The following MAGI1 variants were observed in gnomAD, a reference collection of about 807,000 sequenced individuals.
The protein encoded by MAGI1 is membrane-associated guanylate kinase, WW and PDZ domain-containing protein 1.
MAGI1 carries 58 observed loss-of-function variants against 139.9 expected under a neutral mutation model. The observed-to-expected ratio is 0.41, with a 90% CI of 0.34 to 0.52. The LOEUF is 0.52. Ranked by LOEUF, MAGI1 falls within the 20% of genes least tolerant of loss-of-function variation. The pLI is 0.12. For missense variants in MAGI1, 1,874 were observed against 1,901.6 expected, an observed-to-expected ratio of 0.99 and a Z score of 0.27; for synonymous variants, 812 against 737.9, an observed-to-expected ratio of 1.10 and a Z score of -1.63.
At chr3:66,014,063 C>T (rs960708781) in intron 1 of MAGI1, among the ~76,000 whole-genome samples, 3 of 152,162 alleles carry the variant, frequency 2.0e-5, no homozygotes, top group African/African-American at 4.8e-5. Context: ...ACTACACCAA[C>T]GAGTCACCTA....
At chr3:65,710,368 C>T (rs2107647103) in intron 1 of MAGI1, among the ~76,000 whole-genome samples, 1 of 150,540 alleles carries the variant, frequency 6.6e-6, no homozygotes, top group South Asian at 2.1e-4. Flanking sequence ...ACAACCTCCG[C>T]CTCCCAGGTT....
chr3:65,857,591 T>C (rs2059413814), intron 1 of MAGI1, among the ~76,000 whole-genome samples: 1 of 152,202 alleles, frequency 6.6e-6, no homozygotes, highest in African/African-American at 2.4e-5. Context: ...ATATTTGCCA[T>C]ACCATATCGT....
intron 1 of MAGI1, among the ~76,000 whole-genome samples, chr3:66,021,197 C>T (rs994599563): frequency 2.0e-5 from 3 of 152,138 alleles, no homozygotes; most frequent in Non-Finnish European, 4.4e-5. Flanking sequence ...AGTTCCTCAG[C>T]CACATTACAG....
chr3:65,805,444 G>A (rs1309122410), intron 1 of MAGI1, among the ~76,000 whole-genome samples: 3 of 152,166 alleles, frequency 2.0e-5, no homozygotes, highest in African/African-American at 7.2e-5. Context: ...AACAAGAGAC[G>A]CTGGCGAGGC....
intron 2 of MAGI1, among the ~76,000 whole-genome samples, chr3:65,533,980 T>C (rs962681563): frequency 6.6e-6 from 1 of 152,238 alleles, no homozygotes; most frequent in Non-Finnish European, 1.5e-5. Context: ...GTGGATTCTC[T>C]GGCCATACTC....
intron 1 of MAGI1, among the ~76,000 whole-genome samples, chr3:65,706,684 G>A (rs1446401868): frequency 6.6e-6 from 1 of 152,082 alleles, no homozygotes; most frequent in African/African-American, 2.4e-5. Context: ...AGGGGAAATG[G>A]AAATGCAAAG....
At chr3:65,530,868 T>TAG (rs2078682890) in intron 2 of MAGI1, among the ~76,000 whole-genome samples, 1 of 140,814 alleles carries the variant, frequency 7.1e-6, no homozygotes, top group African/African-American at 2.7e-5. Flanking sequence ...TATATATATA[T>TAG]GGAGAGAGAG....
chr3:65,660,485 T>C (rs770202983), intron 1 of MAGI1, among the ~76,000 whole-genome samples: 8 of 152,232 alleles, frequency 5.3e-5, no homozygotes, highest in African/African-American at 1.9e-4. Context: ...AACATGGACA[T>C]TGATTAGTCT....
intron 6 of MAGI1, among the ~76,000 whole-genome samples, chr3:65,451,501 T>A (rs1949030876): frequency 6.6e-6 from 1 of 152,222 alleles, no homozygotes; most frequent in Non-Finnish European, 1.5e-5. Context: ...TTTTGCATAT[T>A]TTCAGATTGG....
chr3:65,512,839 C>A (rs1438637779), intron 2 of MAGI1, among the ~76,000 whole-genome samples: 1 of 151,538 alleles, frequency 6.6e-6, no homozygotes, highest in Non-Finnish European at 1.5e-5. Flanking sequence ...CAAAGCCAGG[C>A]AGAGACACAG....
intron 1 of MAGI1, among the ~76,000 whole-genome samples, chr3:65,924,233 A>T (rs2062381014): frequency 6.6e-6 from 1 of 152,210 alleles, no homozygotes; most frequent in Non-Finnish European, 1.5e-5. Flanking sequence ...GTTTCACTGG[A>T]CTAAAGTAGG....
At chr3:65,694,313 A>G (rs775092526) in intron 1 of MAGI1, among the ~76,000 whole-genome samples, 7 of 152,116 alleles carry the variant, frequency 4.6e-5, no homozygotes, top group Non-Finnish European at 1.0e-4. Context: ...CCTTGAGCAA[A>G]TCACTTAATG....
rs774938423 is a variant in MAGI1 at position 65,375,883 on chromosome 3, G to C, written c.3058C>G (p.Arg1020Gly). The change falls in exon 18 of 23, where the codon CGC becomes GGC. Residue 1020 changes from arginine to glycine, a missense_variant. Arg to Gly is a moderately radical substitution (Grantham distance 125, BLOSUM62 -2). Transcript: ENST00000402939. Reference protein sequence around the residue: ...GRIIEGSPADRCGKLKVGDRI... With the variant: ...GRIIEGSPADGCGKLKVGDRI... ...TCTCCTACTTTCAGCTTGCCACAGC[G>C]GTCAGCAGGGCTCCCCTCAATAATC... The C allele has an allele frequency of 1.9e-6, 3 of 1,613,950 alleles. No individual in the cohort carries two copies. Among genetic ancestry groups the C allele is most frequent in the Non-Finnish European group, 1.7e-6 (2 of 1,180,020 alleles).
At chr3:65,610,794 AGTATATATAG>A (rs2083027636) in intron 2 of MAGI1, among the ~76,000 whole-genome samples, 1 of 140,336 alleles carries the variant, frequency 7.1e-6, no homozygotes, top group Non-Finnish European at 1.5e-5. Flanking sequence ...TAGTATATAT[AGTATATATAG>A]GTATATATAG....
chr3:65,727,847 C>T (rs924612132), intron 1 of MAGI1, among the ~76,000 whole-genome samples: 1 of 152,096 alleles, frequency 6.6e-6, no homozygotes, highest in African/African-American at 2.4e-5. Flanking sequence ...GATAGGAAAG[C>T]AGATATATAT....
At position 65,356,764 on chromosome 3, in the gene MAGI1, T is replaced by G. The variant is rs749494789; in HGVS notation, c.4003A>C (p.Asn1335His). Residue 1335 changes from asparagine to histidine, a missense_variant, in exon 23 of 23, where the codon AAC becomes CAC. Around this residue, in one of 5 missense-constraint regions of MAGI1, gnomAD observed 653 missense variants for 644.5 expected, o/e 1.01. Coordinates refer to ENST00000402939, the MANE Select transcript of MAGI1 (RefSeq NM_001033057.2). ...KRREGTRSAD[N>H]TLERREKHEK... is the part of the protein sequence containing the mutation. ...TGCTTCTCCCTCCTCTCCAAAGTGT[T>G]GTCGGCGCTGCGGGTGCCCTCCCTC... is the stretch of plus-strand genomic sequence containing the variant. The G allele has an allele frequency of 8.7e-6, 14 of 1,604,524 alleles. 1 individual carries two copies. In the South Asian group the frequency reaches 1.6e-4, roughly 18 times the overall value.
chr3:65,499,068 A>G, intron 2 of MAGI1: 1 of 978,950 alleles, frequency 1.0e-6, no homozygotes, highest in Non-Finnish European at 1.2e-6. Context: ...CTTAAAAAAA[A>G]AAAAACAAAA....
At chr3:65,516,820 C>G (rs866373154) in intron 2 of MAGI1, among the ~76,000 whole-genome samples, 1 of 144,720 alleles carries the variant, frequency 6.9e-6, no homozygotes, top group African/African-American at 2.6e-5. Flanking sequence ...CTCCGCCTCC[C>G]GGGTTCACGC....
intron 2 of MAGI1, among the ~76,000 whole-genome samples, chr3:65,596,347 C>T (rs773549434): frequency 4.6e-5 from 7 of 152,156 alleles, no homozygotes; most frequent in Non-Finnish European, 1.0e-4. Context: ...GTGTCCGAAT[C>T]TTTTGAAAGC....
Sources: allele counts gnomAD v4.1 joint callset (sites outside exome capture counted in the v4.1 genomes callset), GRCh38; gene constraint gnomAD v4.1.1; regional missense constraint gnomAD v4.1.1; transcripts MANE v1.5; gene names NCBI Gene and HGNC (gene_info 2026-07-23, HGNC 2026-07-21).